FRS2: variants seen among roughly 807,000 people sequenced by gnomAD.
The protein encoded by FRS2 is fibroblast growth factor receptor substrate 2.
A neutral mutation model predicts 43.9 loss-of-function variants in FRS2; 8 were observed. That is an observed-to-expected ratio of 0.18 (90% CI 0.11 to 0.33). The LOEUF (loss-of-function observed/expected upper bound fraction) is 0.33. Among genes scored for constraint, FRS2 ranks in the 10% least tolerant of loss-of-function variants. FRS2 has a pLI of 1.00. For missense variants in FRS2, 534 were observed against 627.6 expected (o/e 0.85, Z 1.59); for synonymous variants, 219 against 220.3 (o/e 0.99, Z 0.05).
chr12:69,518,996 C>CA (rs35495239), intron 1 of FRS2, among the ~76,000 whole-genome samples: 24,935 of 98,266 alleles, frequency 0.25, 2,498 homozygotes, highest in East Asian at 0.37. Flanking sequence ...AACTCCGTCT[C>CA]AAAAAAAAAA....
intron 1 of FRS2, among the ~76,000 whole-genome samples, chr12:69,522,190 T>TTGTGTGTGTGTGTGTGTG (rs201103216): frequency 1.5e-5 from 2 of 134,714 alleles, no homozygotes; most frequent in Admixed American, 7.5e-5. Flanking sequence ...GAAGTTTTCT[T>TTGTGTGTGTGTGTGTGTG]TGTGTGTGTG....
intron 3 of FRS2, among the ~76,000 whole-genome samples, chr12:69,544,420 AAGG>A (rs1878185750): frequency 6.6e-6 from 1 of 152,152 alleles, no homozygotes; most frequent in Admixed American, 6.5e-5. Flanking sequence ...CTAGAAGTAA[AAGG>A]AGCCAGGTGC....
At chr12:69,535,397 G>C (rs73341757) in intron 3 of FRS2, among the ~76,000 whole-genome samples, 44 of 152,196 alleles carry the variant, frequency 2.9e-4, no homozygotes, top group African/African-American at 8.2e-4. Flanking sequence ...AAATGAGGGC[G>C]TAAATGTGAT....
chr12:69,492,719 A>G lies in FRS2; in HGVS notation c.-261+22189A>G, dbSNP rs200889879. Among the ~76,000 whole-genome samples, 36 of 152,310 alleles carry G rather than the reference A, an allele frequency of 2.4e-4. 1 individual carries two copies. In the East Asian group the frequency reaches 6.9e-3, roughly 29 times the overall value. ...CTTCCCTGACGTGAAAACATACACA[A>G]AAGCTCTAACTTAAAAGATAATGTT... On this transcript the variant is annotated intron_variant, in intron 1 of 8. Transcript: ENST00000549921.
chr12:69,556,360 T>C (rs1004669635), intron 3 of FRS2, among the ~76,000 whole-genome samples: 3 of 151,962 alleles, frequency 2.0e-5, no homozygotes, highest in African/African-American at 7.3e-5. Context: ...TTTTTTTAAG[T>C]CTCACTCTGT....
chr12:69,522,190 TTGTGTGTGTGTGTGTGTG>T (rs201103216), intron 1 of FRS2, among the ~76,000 whole-genome samples: 12 of 134,820 alleles, frequency 8.9e-5, no homozygotes, highest in Admixed American at 2.3e-4. Context: ...GAAGTTTTCT[TTGTGTGTGTGTGTGTGTG>T]TGTGTGTGTG....
At position 69,572,921 on chromosome 12, in the gene FRS2, C is replaced by G. The variant is rs984401507; in HGVS notation, c.576+640C>G. ...TCTCAGCTCACTGCAACCTCCACCT[C>G]CCGGGTTCAAGCAGCTCTCCTGCCT... On this transcript the variant is annotated intron_variant, in intron 8 of 8. Transcript: ENST00000549921. Among the ~76,000 whole-genome samples the G allele has an allele frequency of 1.7e-4, 26 of 152,350 alleles. No individual in the cohort carries two copies. The East Asian group carries it at 5.0e-3, about 29-fold the overall frequency.
rs1877542200 is a variant in FRS2 at position 69,538,330 on chromosome 12, C to T, written c.-122+6274C>T. The stretch of plus-strand genomic sequence containing the variant: ...CTACCATGTTGCTAGAAATAGAATT[C>T]CTTGATCCATTTCAAATAACATACA... On this transcript the variant is annotated intron_variant, in intron 3 of 8. Coordinates refer to ENST00000549921, the MANE Select transcript of FRS2 (RefSeq NM_001278356.2). 2.7e-5 allele frequency among the ~76,000 whole-genome samples: 4 copies of T among 149,924 alleles called. No individual in the cohort carries two copies. The South Asian group carries it at 8.4e-4, about 32-fold the overall frequency.
At chr12:69,483,997 C>T (rs546208045) in intron 1 of FRS2, among the ~76,000 whole-genome samples, 7 of 152,168 alleles carry the variant, frequency 4.6e-5, no homozygotes, top group Non-Finnish European at 8.8e-5. Flanking sequence ...CTTTATGTAA[C>T]AGTTTTTTCA....
At chr12:69,570,202 C>T (rs1880632332) in intron 5 of FRS2, 129 bp from the exon 6 acceptor site, 4 of 687,318 alleles carry the variant, frequency 5.8e-6, no homozygotes, top group South Asian at 1.7e-5. Context: ...TACACGGCTA[C>T]GTAGTCCATG....
chr12:69,509,983 C>T (rs1874308800), intron 1 of FRS2, among the ~76,000 whole-genome samples: 1 of 152,112 alleles, frequency 6.6e-6, no homozygotes, highest in Admixed American at 6.6e-5. Flanking sequence ...ATTTTAACAG[C>T]CATGTTAGCT....
chr12:69,542,120 C>T (rs12425398), intron 3 of FRS2, among the ~76,000 whole-genome samples: 7,601 of 151,964 alleles, frequency 0.05, 286 homozygotes, highest in South Asian at 0.19. Flanking sequence ...ATATAGGTGG[C>T]GGGGGGTTAT....
At chr12:69,520,180 A>G (rs886382621) in intron 1 of FRS2, among the ~76,000 whole-genome samples, 5 of 151,972 alleles carry the variant, frequency 3.3e-5, no homozygotes, top group African/African-American at 9.7e-5. Flanking sequence ...TTTTTTTCAT[A>G]TGCTTGTTGG....
intron 7 of FRS2, among the ~76,000 whole-genome samples, chr12:69,571,697 T>C (rs1273689643): frequency 1.3e-5 from 2 of 151,734 alleles, no homozygotes; most frequent in Non-Finnish European, 2.9e-5. Flanking sequence ...CCATCTCTAC[T>C]AAAAAAATAC....
In FRS2 at chr12:69,555,023, T is replaced by A. The variant is rs553871442; in HGVS notation, c.-121-7157T>A. On this transcript the variant is annotated intron_variant, in intron 3 of 8. Coordinates refer to ENST00000549921, the MANE Select transcript of FRS2 (RefSeq NM_001278356.2). Reference sequence around the variant, plus strand: ...GTGCTCAGCCCAGCTTTATTTTTTTTAATAATATTTTTTTTTACCTTTTTT... The same window carrying A: ...GTGCTCAGCCCAGCTTTATTTTTTTAAATAATATTTTTTTTTACCTTTTTT... Among the ~76,000 whole-genome samples the A allele has an allele frequency of 7.2e-5, 11 of 151,770 alleles. No homozygotes were observed. The South Asian group carries it at 1.9e-3, about 26-fold the overall frequency.
intron 1 of FRS2, among the ~76,000 whole-genome samples, chr12:69,483,887 T>C (rs950448845): frequency 3.0e-4 from 46 of 152,166 alleles, no homozygotes; most frequent in African/African-American, 1.0e-3. Context: ...TAGTACTGTT[T>C]CACTGTATTC....
At chr12:69,515,519 T>C (rs1715607790) in intron 1 of FRS2, among the ~76,000 whole-genome samples, 1 of 152,108 alleles carries the variant, frequency 6.6e-6, no homozygotes, top group Admixed American at 6.5e-5. Flanking sequence ...AGAGGGGATA[T>C]AGAGTGACCG....
chr12:69,559,026 T>G (rs1014229594), intron 3 of FRS2, among the ~76,000 whole-genome samples: 2 of 152,210 alleles, frequency 1.3e-5, no homozygotes, highest in Non-Finnish European at 2.9e-5. Context: ...AAATGCCACT[T>G]TAGGCTGGGC....
intron 3 of FRS2, among the ~76,000 whole-genome samples, chr12:69,542,830 T>C (rs1878036118): frequency 6.6e-6 from 1 of 152,192 alleles, no homozygotes; most frequent in African/African-American, 2.4e-5. Flanking sequence ...TAAACAGTTG[T>C]TTCAATCCTA....
Sources: allele counts gnomAD v4.1 joint callset (sites outside exome capture counted in the v4.1 genomes callset), GRCh38; gene constraint gnomAD v4.1.1; transcripts MANE v1.5; gene names NCBI Gene and HGNC (gene_info 2026-07-23, HGNC 2026-07-21).